Variants in STON2 observed in about 807,000 individuals in gnomAD.
STON2 encodes stonin 2, also known as stonin-2.
STON2 carries 29 observed loss-of-function variants against 65.7 expected under a neutral mutation model. The observed-to-expected ratio is 0.44, with a 90% CI of 0.33 to 0.60. The LOEUF (loss-of-function observed/expected upper bound fraction) is 0.60. Ranked by LOEUF, STON2 falls within the 20% of genes least tolerant of loss-of-function variation. The pLI, the probability that STON2 is intolerant of heterozygous loss-of-function variation, is 0.03. For synonymous variants in STON2, 404 were observed against 414.2 expected, an observed-to-expected ratio of 0.98 and a Z score of 0.30; for missense variants, 1,054 against 1,118.1, an observed-to-expected ratio of 0.94 and a Z score of 0.82.
intron 2 of STON2, among the ~76,000 whole-genome samples, chr14:81,424,688 G>A (rs1484994889): frequency 6.6e-6 from 1 of 152,146 alleles, no homozygotes; most frequent in Admixed American, 6.5e-5. Flanking sequence ...AGGATCCTTT[G>A]ACCTTGTGAC....
intron 5 of STON2, among the ~76,000 whole-genome samples, chr14:81,321,973 T>A (rs115059216): frequency 6.6e-6 from 1 of 152,228 alleles, no homozygotes; most frequent in Non-Finnish European, 1.5e-5. Context: ...GAAAATGCTA[T>A]ATAAACTGCA....
At chr14:81,319,708 C>T (rs779845924) in intron 5 of STON2, among the ~76,000 whole-genome samples, 94 of 152,236 alleles carry the variant, frequency 6.2e-4, no homozygotes, top group Middle Eastern at 3.4e-3. Context: ...ATTACAGGTT[C>T]CGAACCTTCA....
chr14:81,281,247 G>T (rs1039903327), intron 5 of STON2, among the ~76,000 whole-genome samples: 1 of 152,004 alleles, frequency 6.6e-6, no homozygotes, highest in Non-Finnish European at 1.5e-5. Flanking sequence ...AAAATCGAAG[G>T]GAAAACGGTC....
At chr14:81,339,970 C>T (rs539294872) in intron 4 of STON2, among the ~76,000 whole-genome samples, 35 of 151,886 alleles carry the variant, frequency 2.3e-4, no homozygotes, top group South Asian at 4.2e-4. Flanking sequence ...CTGGCTAACA[C>T]GATGAAACCC....
intron 5 of STON2, among the ~76,000 whole-genome samples, chr14:81,303,452 C>A (rs948645948): frequency 6.6e-6 from 1 of 152,168 alleles, no homozygotes; most frequent in African/African-American, 2.4e-5. Context: ...AAGCAGTGGC[C>A]CTGACAGGCA....
At chr14:81,368,398 T>C (rs1252187967) in intron 4 of STON2, among the ~76,000 whole-genome samples, 1 of 152,186 alleles carries the variant, frequency 6.6e-6, no homozygotes, top group East Asian at 1.9e-4. Flanking sequence ...CAGTAAGTGC[T>C]AGCTATAACT....
chr14:81,362,971 G>C (rs1429783897), intron 4 of STON2, among the ~76,000 whole-genome samples: 1 of 152,098 alleles, frequency 6.6e-6, no homozygotes, highest in Non-Finnish European at 1.5e-5. Flanking sequence ...TTTGTATATT[G>C]CTCCTGAGAA....
chr14:81,278,652 G>A lies in STON2; in HGVS notation c.830C>T (p.Pro277Leu). Residue 277 changes from proline to leucine, a missense_variant, in exon 6 of 8, where the codon CCT becomes CTT. Transcript: ENST00000614646. ...QASSPAMNGH[P>L]APPVTSARFP... The stretch of plus-strand genomic sequence containing the variant: ...ACGAGCAGAGGTCACTGGAGGGGCA[G>A]GGTGCCCATTCATGGCTGGACTGCT... 6.4e-7 allele frequency: 1 copy of A among 1,559,560 alleles called. No homozygotes were observed. Among genetic ancestry groups the A allele is most frequent in the Non-Finnish European group, 8.7e-7 (1 of 1,152,252 alleles).
intron 3 of STON2, among the ~76,000 whole-genome samples, chr14:81,392,752 T>C (rs1900140587): frequency 6.6e-6 from 1 of 152,332 alleles, no homozygotes; most frequent in Non-Finnish European, 1.5e-5. Context: ...GCTTCATGTA[T>C]TTTTTCCCAA....
chr14:81,277,342 G>A lies in STON2; in HGVS notation c.2140C>T (p.His714Tyr), dbSNP rs143151987. The change falls in exon 6 of 8, where the codon CAC becomes TAC. Residue 714 changes from histidine (H) to tyrosine (Y), a missense_variant. Physicochemically the swap from His to Tyr is moderately conservative, Grantham distance 83. Transcript: ENST00000614646. ...FHGCVDEDVF[H>Y]NSRVILFNPL... ...TTGAACAGAATGACCCGTGAGTTGT[G>A]GAAAACATCCTCATCCACACACCCA... 2.5e-6 allele frequency: 4 copies of A among 1,614,176 alleles called. No homozygotes were observed. The highest frequency in any genetic ancestry group is 3.4e-6 in the Non-Finnish European group (4 of 1,180,038).
chr14:81,353,154 TAAGAACAGGAA>T (rs1263921654), intron 4 of STON2, among the ~76,000 whole-genome samples: 6 of 152,184 alleles, frequency 3.9e-5, no homozygotes, highest in Non-Finnish European at 8.8e-5. Context: ...AAAATTCAAA[TAAGAACAGGAA>T]AAAAATGGAG....
intron 5 of STON2, among the ~76,000 whole-genome samples, chr14:81,310,426 T>G (rs10138868): frequency 0.79 from 119,649 of 151,984 alleles, 47,246 homozygotes; most frequent in African/African-American, 0.8. Flanking sequence ...AAACTAGAGG[T>G]GCAGATAGAT....
intron 5 of STON2, among the ~76,000 whole-genome samples, chr14:81,299,593 T>C (rs1895893907): frequency 6.6e-6 from 1 of 152,208 alleles, no homozygotes; most frequent in Non-Finnish European, 1.5e-5. Context: ...ATCAACCTTC[T>C]TAACAAAAGT....
chr14:81,370,649 C>T (rs1898940852), intron 4 of STON2, among the ~76,000 whole-genome samples: 1 of 152,194 alleles, frequency 6.6e-6, no homozygotes, highest in African/African-American at 2.4e-5. Flanking sequence ...ATGAAAGATT[C>T]AGCCTTGTGC....
At chr14:81,337,636 C>A (rs76097268) in intron 4 of STON2, among the ~76,000 whole-genome samples, 1 of 152,000 alleles carries the variant, frequency 6.6e-6, no homozygotes, top group Non-Finnish European at 1.5e-5. Context: ...TCTTGAAGAA[C>A]GACCTTCCAG....
In STON2 at chr14:81,278,341, G is replaced by A. The variant is rs1275203542; in HGVS notation, c.1141C>T (p.Gln381Ter). ...CTGAAAGGGTTGATAGGGGAGGGCT[G>A]TACATCCTGCAGAGTCTCATTCAGG... Reference protein sequence around the residue: ...PFLNETLQDVQPSPINPFSAF... With the variant: ...PFLNETLQDV Residue 381 changes from glutamine to a stop codon, truncating the protein, a stop_gained, in exon 6 of 8, where the codon CAG (glutamine) becomes TAG (stop). Transcript: ENST00000614646. LOFTEE classifies it high-confidence loss of function. The A allele has an allele frequency of 5.6e-6, 9 of 1,614,188 alleles. No homozygotes were observed. Among genetic ancestry groups the A allele is most frequent in the Non-Finnish European group, 7.6e-6 (9 of 1,180,030 alleles).
intron 5 of STON2, among the ~76,000 whole-genome samples, chr14:81,296,588 T>G (rs1895770750): frequency 1.3e-5 from 2 of 152,152 alleles, no homozygotes; most frequent in South Asian, 4.1e-4. Context: ...TCTTTGTCTC[T>G]TTTTCTCTGC....
At chr14:81,362,395 T>C (rs1263060005) in intron 4 of STON2, among the ~76,000 whole-genome samples, 1 of 152,160 alleles carries the variant, frequency 6.6e-6, no homozygotes, top group East Asian at 1.9e-4. Flanking sequence ...GAAAAACAAG[T>C]ACCAAATATT....
chr14:81,406,886 T>A (rs1209891981), intron 2 of STON2, among the ~76,000 whole-genome samples: 1 of 152,186 alleles, frequency 6.6e-6, no homozygotes, highest in Non-Finnish European at 1.5e-5. Context: ...CCCATCCCCA[T>A]GCTCTCTGCT....
Sources: allele counts gnomAD v4.1 joint callset (sites outside exome capture counted in the v4.1 genomes callset), GRCh38; gene constraint gnomAD v4.1.1; transcripts MANE v1.5; gene names NCBI Gene and HGNC (gene_info 2026-07-23, HGNC 2026-07-21).